VEGFD: variants seen among roughly 807,000 people sequenced by gnomAD.
VEGFD encodes the protein c-fos induced growth factor (vascular endothelial growth factor D).
VEGFD carries 26 observed loss-of-function variants against 28.0 expected under a neutral mutation model. The observed-to-expected ratio is 0.93, with a 90% confidence interval of 0.68 to 1.29. VEGFD has a LOEUF of 1.29. Among genes scored for constraint, VEGFD ranks in the 50% most tolerant of loss-of-function variants. The pLI, the probability that VEGFD is intolerant of heterozygous loss-of-function variation, is 0.00. For synonymous variants in VEGFD, 93 were observed against 95.5 expected (o/e 0.97, Z 0.15); for missense variants, 294 against 273.4 (o/e 1.08, Z -0.53).
In VEGFD at chrX:15,355,475, A is replaced by G. The variant is rs988913233; in HGVS notation, c.493-177T>C. 3.2e-4 allele frequency among the ~76,000 whole-genome samples: 36 copies of G among 112,273 alleles called. 1 individual carries two copies. The Admixed American group carries it at 3.2e-3, about 10-fold the overall frequency. On this transcript the variant is annotated intron_variant, in intron 3 of 6. Coordinates refer to ENST00000297904, the MANE Select transcript of VEGFD (RefSeq NM_004469.5). The stretch of plus-strand genomic sequence containing the variant: ...TTTATGAAGTGTTTAAGTTTGGTCA[A>G]ATCTTTTAACTTTTTGATCATTGAT...
At chrX:15,350,581 T>C (rs1922664620) in intron 5 of VEGFD, among the ~76,000 whole-genome samples, 1 of 112,277 alleles carries the variant, frequency 8.9e-6, no homozygotes, top group African/African-American at 3.2e-5. Context: ...TGCCTCTCTC[T>C]TTACCCTTTA....
At chrX:15,368,096 AAAG>A (rs1329101452) in intron 1 of VEGFD, among the ~76,000 whole-genome samples, 1 of 107,337 alleles carries the variant, frequency 9.3e-6, no homozygotes, top group African/African-American at 3.4e-5. Context: ...AGAAAGAAAG[AAAG>A]AAAAGAAGGA....
At position 15,361,757 on chromosome X, in the gene VEGFD, G is replaced by A. The variant is rs747094040; in HGVS notation, c.301+1352C>T. On this transcript the variant is annotated intron_variant, in intron 2 of 6. Transcript: ENST00000297904. The stretch of plus-strand genomic sequence containing the variant: ...TTGACATGACATCAAAAAATTAAGT[G>A]CCTAATCAGAAACCACAGAACTTTA... Among the ~76,000 whole-genome samples, 6 of 112,160 alleles carry A rather than the reference G, an allele frequency of 5.3e-5. No homozygotes were observed. In the East Asian group the frequency reaches 1.7e-3, roughly 31 times the overall value.
At chrX:15,360,324 C>T (rs1602225340) in intron 2 of VEGFD, among the ~76,000 whole-genome samples, 1 of 107,819 alleles carries the variant, frequency 9.3e-6, no homozygotes, top group African/African-American at 3.4e-5. Flanking sequence ...CATAATAAAA[C>T]ATTCTATCCT....
intron 2 of VEGFD, among the ~76,000 whole-genome samples, chrX:15,362,834 TC>T (rs1923049705): frequency 8.9e-6 from 1 of 111,925 alleles, no homozygotes; most frequent in Non-Finnish European, 1.9e-5. Flanking sequence ...ACAATAGTCT[TC>T]CTGGGTTTTC....
At chrX:15,358,941 A>G in intron 2 of VEGFD, among the ~76,000 whole-genome samples, 1 of 112,157 alleles carries the variant, frequency 8.9e-6, no homozygotes, top group East Asian at 2.8e-4. Context: ...ACCCTTTGAT[A>G]CTTAATGCTG....
At chrX:15,374,220 G>T (rs1441259635) in intron 1 of VEGFD, among the ~76,000 whole-genome samples, 1 of 112,088 alleles carries the variant, frequency 8.9e-6, no homozygotes, top group Non-Finnish European at 1.9e-5. Flanking sequence ...CCTACTTCTG[G>T]GGATTTTACC....
At chrX:15,378,047 T>C (rs1923480693) in intron 1 of VEGFD, among the ~76,000 whole-genome samples, 2 of 112,101 alleles carry the variant, frequency 1.8e-5, no homozygotes, top group African/African-American at 6.5e-5. Flanking sequence ...AATGAAAGCA[T>C]AGGTAGCATT....
rs201091478 is a variant in VEGFD at position 15,347,378 on chromosome X, G to A, written c.743-19C>T. On this transcript the variant is annotated intron_variant, in intron 5 of 6. Transcript: ENST00000297904. ...GAGTGGTCTAAAGAGAAACAGAAAC[G>A]TGTTGGTCAGATAGTTGTAGTGTGG... 12 of 1,159,162 alleles carry A rather than the reference G, an allele frequency of 1.0e-5. No homozygotes were observed. The highest frequency in any genetic ancestry group is 5.6e-4 in the Middle Eastern group (2 of 3,553).
chrX:15,365,164 G>A (rs1033137370), intron 1 of VEGFD, among the ~76,000 whole-genome samples: 1 of 111,856 alleles, frequency 8.9e-6, no homozygotes, highest in Non-Finnish European at 1.9e-5. Flanking sequence ...ACCGAGTCTG[G>A]CTCTGTCATC....
intron 5 of VEGFD, among the ~76,000 whole-genome samples, chrX:15,349,780 G>A (rs768118018): frequency 9.0e-6 from 1 of 111,383 alleles, no homozygotes; most frequent in Non-Finnish European, 1.9e-5. Context: ...TGTAGAAAAG[G>A]CAGTTGGCTT....
chrX:15,358,780 C>G (rs12858267), intron 2 of VEGFD, among the ~76,000 whole-genome samples: 1 of 111,467 alleles, frequency 9.0e-6, no homozygotes, highest in African/African-American at 3.3e-5. Flanking sequence ...ATGAAATAAG[C>G]CTGTTCTTAT....
intron 1 of VEGFD, among the ~76,000 whole-genome samples, chrX:15,377,366 G>C: frequency 8.9e-6 from 1 of 111,861 alleles, no homozygotes; most frequent in Non-Finnish European, 1.9e-5. Context: ...TCTGAATGTG[G>C]TAATGTGATT....
chrX:15,347,770 A>T (rs774137025), intron 5 of VEGFD, among the ~76,000 whole-genome samples: 2 of 111,947 alleles, frequency 1.8e-5, no homozygotes, highest in Non-Finnish European at 3.8e-5. Context: ...TTGGTGTTGT[A>T]GAAATACACC....
At chrX:15,371,792 C>T (rs1923315492) in intron 1 of VEGFD, among the ~76,000 whole-genome samples, 1 of 112,023 alleles carries the variant, frequency 8.9e-6, no homozygotes. Context: ...ATCAGTAGCG[C>T]CATTGAACCT....
At chrX:15,376,464 T>C (rs183839780) in intron 1 of VEGFD, among the ~76,000 whole-genome samples, 27 of 112,370 alleles carry the variant, frequency 2.4e-4, no homozygotes, top group Admixed American at 2.4e-3. Context: ...TACACAGCAT[T>C]ATTGTGGCAA....
chrX:15,366,232 G>A (rs1923144160), intron 1 of VEGFD, among the ~76,000 whole-genome samples: 2 of 111,299 alleles, frequency 1.8e-5, no homozygotes, highest in African/African-American at 3.3e-5. Context: ...GGATGGTCTC[G>A]ATCTCCTGAC....
intron 2 of VEGFD, among the ~76,000 whole-genome samples, chrX:15,362,564 G>A (rs1034690643): frequency 1.0e-4 from 11 of 110,317 alleles, no homozygotes; most frequent in African/African-American, 3.3e-4. Context: ...ATACAGGCAC[G>A]TACCACAATG....
At chrX:15,375,423 C>T (rs1455327822) in intron 1 of VEGFD, among the ~76,000 whole-genome samples, 1 of 111,702 alleles carries the variant, frequency 9.0e-6, no homozygotes, top group African/African-American at 3.3e-5. Flanking sequence ...GCAGGGAGAA[C>T]GCACACTTGC....
Sources: gnomAD v4.1 joint callset for allele counts (sites outside exome capture counted in the v4.1 genomes callset) on GRCh38, gnomAD v4.1.1 for gene constraint, MANE v1.5 for transcripts, NCBI Gene and HGNC (gene_info 2026-07-23, HGNC 2026-07-21) for gene names.